The following FRMD3 variants were observed in gnomAD, a reference collection of about 807,000 sequenced individuals.
The protein encoded by FRMD3 is FERM domain containing 3.
A neutral mutation model predicts 70.2 loss-of-function variants in FRMD3; 33 were observed. That is an observed-to-expected ratio of 0.47 (90% CI 0.36 to 0.63). FRMD3 has a LOEUF of 0.63. FRMD3 is among the 20% of genes least tolerant of loss of function. The pLI is 0.00. For missense variants in FRMD3, 632 were observed against 711.4 expected (o/e 0.89, Z 1.27); for synonymous variants, 279 against 255.9 (o/e 1.09, Z -0.86).
rs919198287 is a variant in FRMD3 at position 83,254,164 on chromosome 9, A to G, written c.1196-5648T>C. ...TAGCATTAGGAGATATACCTAATGT[A>G]AATGACAAGTTAATGGGTGCAGTAC... On this transcript the variant is annotated intron_variant, in intron 13 of 13. Coordinates refer to ENST00000304195, the MANE Select transcript of FRMD3 (RefSeq NM_174938.6). 2.2e-4 allele frequency among the ~76,000 whole-genome samples: 33 copies of G among 152,226 alleles called. No individual in the cohort carries two copies. In the East Asian group the frequency reaches 2.9e-3, roughly 13 times the overall value.
At chr9:83,320,295 A>T (rs965886553) in intron 6 of FRMD3, among the ~76,000 whole-genome samples, 3 of 152,132 alleles carry the variant, frequency 2.0e-5, no homozygotes, top group Non-Finnish European at 4.4e-5. Context: ...TGGGTTTGTC[A>T]TATATTGCCT....
rs200218933 is a variant in FRMD3 at position 83,338,916 on chromosome 9, G to GC, written c.473-3278dup. Among the ~76,000 whole-genome samples, 93 of 152,202 alleles carry GC rather than the reference G, an allele frequency of 6.1e-4. 1 individual carries two copies. The East Asian group carries it at 0.013, about 21-fold the overall frequency. The stretch of plus-strand genomic sequence containing the variant: ...CACCTTTACACACATACACGCTTGT[G>GC]CCCCTGTGAGCTAGCTACAGGCATT... On this transcript the variant is annotated intron_variant, in intron 5 of 13. Transcript: ENST00000304195.
rs1554698345 is a variant in FRMD3, at chr9:83,393,937, T to TG, written c.148-4230_148-4229insC. On this transcript the variant is annotated intron_variant, in intron 1 of 13. Coordinates refer to ENST00000304195, the MANE Select transcript of FRMD3 (RefSeq NM_174938.6). The stretch of plus-strand genomic sequence containing the variant: ...GTGTGTGTTTTTGATTTTGTTTTTT[T>TG]TTGTTGTTGTTGTTTTTTTTTACAA... Among the ~76,000 whole-genome samples, 824 of 117,014 alleles carry TG rather than the reference T, an allele frequency of 7.0e-3. 12 individuals carry two copies. Among genetic ancestry groups the TG allele is most frequent in the African/African-American group, 0.026 (744 of 28,188 alleles). The allele number at this position is 117,014 out of a possible 152,430, so 76.8% of individuals were successfully genotyped here.
the FRMD3 span, among the ~76,000 whole-genome samples, chr9:83,549,570 C>T: frequency 5.3e-5 from 8 of 152,072 alleles, no homozygotes; most frequent in Non-Finnish European, 7.4e-5. Flanking sequence ...CCACCAACAG[C>T]GTATAAGAGT....
At chr9:83,403,578 T>C (rs1297641917) in intron 1 of FRMD3, among the ~76,000 whole-genome samples, 1 of 152,110 alleles carries the variant, frequency 6.6e-6, no homozygotes, top group Admixed American at 6.5e-5. Context: ...AGCTCCAGAA[T>C]GTCTTCCACT....
At chr9:83,316,148 C>CTTTTTTTTTTTCTT (rs1835558658) in intron 6 of FRMD3, among the ~76,000 whole-genome samples, 1 of 134,500 alleles carries the variant, frequency 7.4e-6, no homozygotes, top group African/African-American at 2.8e-5. Context: ...TCTTTTTTCT[C>CTTTTTTTTTTTCTT]TTTTTTTTTT....
At chr9:83,549,923 T>C in the FRMD3 span, among the ~76,000 whole-genome samples, 1 of 152,204 alleles carries the variant, frequency 6.6e-6, no homozygotes, top group African/African-American at 2.4e-5. Context: ...GTTGATAGTT[T>C]GTTTTGCTGT....
At chr9:83,287,200 C>T (rs1342033152) in intron 13 of FRMD3, among the ~76,000 whole-genome samples, 1 of 152,180 alleles carries the variant, frequency 6.6e-6, no homozygotes, top group Non-Finnish European at 1.5e-5. Context: ...TGGTTTCTAA[C>T]CAGAGAACTA....
At chr9:83,413,334 C>A (rs1460802877) in intron 1 of FRMD3, among the ~76,000 whole-genome samples, 2 of 152,140 alleles carry the variant, frequency 1.3e-5, no homozygotes, top group Non-Finnish European at 2.9e-5. Context: ...AGTGCCTGAG[C>A]AGAATGGAAG....
At chr9:83,519,566 T>C (rs1409984199) in intron 1 of FRMD3, among the ~76,000 whole-genome samples, 3 of 152,206 alleles carry the variant, frequency 2.0e-5, no homozygotes, top group Admixed American at 2.0e-4. Context: ...AGTTCAACCA[T>C]TGTGGAAGAC....
chr9:83,437,654 A>G (rs1269472477), intron 1 of FRMD3, among the ~76,000 whole-genome samples: 1 of 152,098 alleles, frequency 6.6e-6, no homozygotes, highest in Non-Finnish European at 1.5e-5. Flanking sequence ...TCTTCCTCCA[A>G]CCAATACCAA....
intron 3 of FRMD3, among the ~76,000 whole-genome samples, chr9:83,353,431 C>T (rs1256131530): frequency 6.6e-6 from 1 of 152,086 alleles, no homozygotes; most frequent in African/African-American, 2.4e-5. Flanking sequence ...TAATTTCCCC[C>T]AAAATGCTGA....
chr9:83,517,431 G>A (rs1418873083), intron 1 of FRMD3, among the ~76,000 whole-genome samples: 11 of 121,730 alleles, frequency 9.0e-5, no homozygotes, highest in South Asian at 2.7e-4. Context: ...GGAAGAAGTC[G>A]AATCCCTGAA....
At chr9:83,541,507 A>AG (rs1785009940), upstream of FRMD3, among the ~76,000 whole-genome samples, 1 of 152,224 alleles carries the variant, frequency 6.6e-6, no homozygotes, top group Non-Finnish European at 1.5e-5. Context: ...GTGTCCCCTG[A>AG]GGGGGCATCC....
At chr9:83,309,702 G>A in intron 9 of FRMD3, 78 bp from the exon 10 acceptor site, 1 of 794,020 alleles carries the variant, frequency 1.3e-6, no homozygotes, top group East Asian at 2.6e-5. Flanking sequence ...TTTTTCAGGT[G>A]TTTACCTCTT....
At chr9:83,316,907 A>G (rs2131073446) in intron 6 of FRMD3, among the ~76,000 whole-genome samples, 1 of 152,274 alleles carries the variant, frequency 6.6e-6, no homozygotes, top group East Asian at 1.9e-4. Context: ...AACCATACAG[A>G]AAATTATTGA....
At position 83,504,775 on chromosome 9, in the gene FRMD3, T is replaced by C. The variant is rs574306140; in HGVS notation, c.147+33310A>G. 9.7e-4 allele frequency among the ~76,000 whole-genome samples: 148 copies of C among 152,312 alleles called. 1 individual carries two copies. The highest frequency in any genetic ancestry group is 3.4e-3 in the African/African-American group (143 of 41,562). ...CATCACCTGTGATAATTTTTATTTG[T>C]ATGAGTGTTTGCTTATTGTCAGCCT... On this transcript the variant is annotated intron_variant, in intron 1 of 13. Coordinates refer to ENST00000304195, the MANE Select transcript of FRMD3 (RefSeq NM_174938.6).
intron 1 of FRMD3, among the ~76,000 whole-genome samples, chr9:83,411,933 T>A (rs555405960): frequency 1.3e-3 from 198 of 152,356 alleles, no homozygotes; most frequent in Non-Finnish European, 2.1e-3. Flanking sequence ...TGGACTTTTA[T>A]CAGATAATTC....
intron 2 of FRMD3, among the ~76,000 whole-genome samples, chr9:83,378,773 TAA>T (rs1225064533): frequency 9.7e-6 from 1 of 102,724 alleles, no homozygotes; most frequent in African/African-American, 4.0e-5. Flanking sequence ...ATATTATATA[TAA>T]TATATATTAT....
Sources: gnomAD v4.1 joint callset for allele counts (sites outside exome capture counted in the v4.1 genomes callset) on GRCh38, gnomAD v4.1.1 for gene constraint, MANE v1.5 for transcripts, NCBI Gene and HGNC (gene_info 2026-07-23, HGNC 2026-07-21) for gene names.